Variants in RCOR1 observed in about 807,000 individuals in gnomAD.
RCOR1 encodes REST corepressor.
A neutral mutation model predicts 64.0 loss-of-function variants in RCOR1; 12 were observed. The observed-to-expected ratio is 0.19, with a 90% confidence interval of 0.12 to 0.30. The LOEUF (loss-of-function observed/expected upper bound fraction) is 0.30. Ranked by LOEUF, RCOR1 falls within the 10% of genes least tolerant of loss-of-function variation. The pLI, the probability that RCOR1 is intolerant of heterozygous loss-of-function variation, is 1.00. For synonymous variants in RCOR1, 279 were observed against 227.2 expected (o/e 1.23, Z -2.05); for missense variants, 502 against 621.2 (o/e 0.81, Z 2.04).
intron 2 of RCOR1, among the ~76,000 whole-genome samples, chr14:102,622,473 C>T (rs1019003980): frequency 4.6e-5 from 7 of 152,146 alleles, no homozygotes; most frequent in African/African-American, 1.7e-4. Context: ...ATCAGGCAGC[C>T]GGAAGGCCAG....
intron 2 of RCOR1, among the ~76,000 whole-genome samples, chr14:102,599,183 G>A (rs1345089307): frequency 1.3e-5 from 2 of 151,660 alleles, no homozygotes; most frequent in African/African-American, 4.8e-5. Context: ...CAGTATAGTG[G>A]TGTGATCATG....
intron 7 of RCOR1, 94 bp downstream of exon 7, chr14:102,711,107 A>C: frequency 1.3e-6 from 1 of 789,352 alleles, no homozygotes; most frequent in Admixed American, 2.8e-5. Flanking sequence ...TTAATATATT[A>C]AGTGCTATGT....
At chr14:102,666,084 T>C (rs905794243) in intron 2 of RCOR1, among the ~76,000 whole-genome samples, 2 of 151,970 alleles carry the variant, frequency 1.3e-5, no homozygotes, top group Non-Finnish European at 2.9e-5. Context: ...CTTACAAAGA[T>C]GGTGATCCTT....
At chr14:102,726,390 C>A in intron 11 of RCOR1, 78 bp from the exon 12 acceptor site, 2 of 1,327,726 alleles carry the variant, frequency 1.5e-6, no homozygotes, top group Non-Finnish European at 1.0e-6. Context: ...CTTCTCTTTT[C>A]AGTACACTGG....
At chr14:102,683,754 C>T (rs2139962684) in intron 3 of RCOR1, among the ~76,000 whole-genome samples, 1 of 152,362 alleles carries the variant, frequency 6.6e-6, no homozygotes, top group South Asian at 2.1e-4. Flanking sequence ...TTGATCTCCG[C>T]CCTCGGGCCC....
At chr14:102,679,992 A>G (rs1280640386) in intron 2 of RCOR1, among the ~76,000 whole-genome samples, 1 of 152,218 alleles carries the variant, frequency 6.6e-6, no homozygotes, top group Non-Finnish European at 1.5e-5. Context: ...TTGAATCTTT[A>G]GAGCAGTTTG....
At chr14:102,621,307 A>T (rs1249965677) in intron 2 of RCOR1, among the ~76,000 whole-genome samples, 1 of 150,752 alleles carries the variant, frequency 6.6e-6, no homozygotes, top group Admixed American at 6.6e-5. Context: ...TTGTAAGAAC[A>T]CTTCTTAGGA....
intron 2 of RCOR1, among the ~76,000 whole-genome samples, chr14:102,653,698 T>TCTAAAAGTGTGTAGCACCTCC (rs971560055): frequency 6.6e-6 from 1 of 151,952 alleles, no homozygotes; most frequent in Non-Finnish European, 1.5e-5. Flanking sequence ...GATCGGGTCG[T>TCTAAAAGTGTGTAGCACCTCC]CTAAAAGTGT....
At chr14:102,715,959 C>T (rs1896061808) in intron 8 of RCOR1, among the ~76,000 whole-genome samples, 1 of 152,212 alleles carries the variant, frequency 6.6e-6, no homozygotes, top group African/African-American at 2.4e-5. Context: ...GCACCCTCCC[C>T]TACCAGTTGT....
At chr14:102,633,207 G>C (rs897280841) in intron 2 of RCOR1, among the ~76,000 whole-genome samples, 2 of 151,964 alleles carry the variant, frequency 1.3e-5, no homozygotes, top group African/African-American at 4.8e-5. Context: ...GTCTCATCTA[G>C]CTCTAAGAGA....
At chr14:102,629,059 C>A (rs1894045944) in intron 2 of RCOR1, among the ~76,000 whole-genome samples, 1 of 152,144 alleles carries the variant, frequency 6.6e-6, no homozygotes, top group Non-Finnish European at 1.5e-5. Flanking sequence ...ACATGCCTGG[C>A]TCATTTTTGT....
At position 102,653,958 on chromosome 14, in the gene RCOR1, TCTTTCTTTCTTTCTTTCTTTCTTTC is replaced by T. The variant is rs1567423340; in HGVS notation, c.362-27936_362-27912del. On this transcript the variant is annotated intron_variant, in intron 2 of 11. Transcript: ENST00000262241. ...TTCTTTCTTTCTTTCTTTCTTTCTT[TCTTTCTTTCTTTCTTTCTTTCTTTC>T]TTTTTTTTTTTTTTTTTTTTGAGAC... is the stretch of plus-strand genomic sequence containing the variant. Among the ~76,000 whole-genome samples the T allele has an allele frequency of 4.2e-3, 235 of 55,332 alleles. 8 individuals carry two copies. Among genetic ancestry groups the T allele is most frequent in the African/African-American group, 8.8e-3 (68 of 7,702 alleles). The allele number at this position is 55,332 out of a possible 152,430, so 36.3% of individuals were successfully genotyped here.
At chr14:102,593,680 G>A (rs1368336939) in intron 2 of RCOR1, among the ~76,000 whole-genome samples, 2 of 152,176 alleles carry the variant, frequency 1.3e-5, no homozygotes, top group African/African-American at 2.4e-5. Flanking sequence ...TGGCAGTGCC[G>A]GAGAGTTAGT....
intron 2 of RCOR1, among the ~76,000 whole-genome samples, chr14:102,676,639 C>A (rs1895167122): frequency 9.2e-6 from 1 of 109,172 alleles, no homozygotes; most frequent in Non-Finnish European, 1.9e-5. Flanking sequence ...GGGGCTGATC[C>A]CCCCACCTCC....
intron 2 of RCOR1, among the ~76,000 whole-genome samples, chr14:102,635,480 G>T (rs1164435516): frequency 6.6e-6 from 1 of 152,016 alleles, no homozygotes; most frequent in Non-Finnish European, 1.5e-5. Flanking sequence ...CTCCAGTCTG[G>T]GTGACAGAGT....
intron 2 of RCOR1, among the ~76,000 whole-genome samples, chr14:102,679,190 A>G (rs1160875668): frequency 6.6e-6 from 1 of 152,176 alleles, no homozygotes; most frequent in African/African-American, 2.4e-5. Context: ...CTCCTTTCCC[A>G]ATCCAAGGTC....
chr14:102,610,607 G>A (rs1252722015), intron 2 of RCOR1, among the ~76,000 whole-genome samples: 1 of 152,028 alleles, frequency 6.6e-6, no homozygotes, highest in Non-Finnish European at 1.5e-5. Flanking sequence ...CTGTTCCCCA[G>A]GCTGGAGTGC....
At chr14:102,599,848 G>C (rs1364213119) in intron 2 of RCOR1, among the ~76,000 whole-genome samples, 1 of 150,120 alleles carries the variant, frequency 6.7e-6, no homozygotes, top group East Asian at 1.9e-4. Flanking sequence ...TGTCACACAG[G>C]CTAGAGTGCA....
intron 2 of RCOR1, chr14:102,662,418 A>G (rs1410958446): frequency 1.8e-6 from 1 of 560,050 alleles, no homozygotes; most frequent in Non-Finnish European, 3.5e-6. Context: ...TCTACAATGA[A>G]CACAAGTGTC....
Sources: gnomAD v4.1 joint callset for allele counts (sites outside exome capture counted in the v4.1 genomes callset) on GRCh38, gnomAD v4.1.1 for gene constraint, MANE v1.5 for transcripts, NCBI Gene and HGNC (gene_info 2026-07-23, HGNC 2026-07-21) for gene names.